The following C6orf89 variants were observed in gnomAD, a reference collection of about 807,000 sequenced individuals.
C6orf89 encodes chromosome 6 open reading frame 89, also known as bombesin receptor-activated protein C6orf89.
In C6orf89, 29 loss-of-function variants were observed where a neutral mutation model predicts 40.7. The observed-to-expected ratio is 0.71, with a 90% CI of 0.53 to 0.97. The LOEUF (loss-of-function observed/expected upper bound fraction) is 0.97. C6orf89 is among the 50% of genes least tolerant of loss of function. The pLI is 0.00. For missense variants in C6orf89, 392 were observed against 429.1 expected, an observed-to-expected ratio of 0.91 and a Z score of 0.76; for synonymous variants, 165 against 152.2, an observed-to-expected ratio of 1.08 and a Z score of -0.62.
At chr6:36,902,789 A>G (rs917552709) in intron 4 of C6orf89, among the ~76,000 whole-genome samples, 1 of 152,200 alleles carries the variant, frequency 6.6e-6, no homozygotes, top group Non-Finnish European at 1.5e-5. Flanking sequence ...CATATTTAAT[A>G]CATAGGTATT....
At chr6:36,896,343 A>G (rs1449917975) in intron 2 of C6orf89, among the ~76,000 whole-genome samples, 1 of 152,146 alleles carries the variant, frequency 6.6e-6, no homozygotes, top group East Asian at 1.9e-4. Flanking sequence ...CCTGACCTCA[A>G]GTGATCTGCC....
intron 3 of C6orf89, among the ~76,000 whole-genome samples, chr6:36,901,289 GTATTATTATTATTATTAT>G (rs1337857767): frequency 1.8e-3 from 141 of 79,498 alleles, no homozygotes; most frequent in Non-Finnish European, 2.4e-3. Flanking sequence ...GCCCCTTTGT[GTATTATTATTATTATTAT>G]TATTATTATT....
Position 36,886,010 on chromosome 6 carries a change from A to AG in C6orf89, c.-134dup, listed in dbSNP as rs11461877. On this transcript the variant is annotated 5_prime_UTR_variant, in exon 1 of 9. Transcript: ENST00000480824. The stretch of plus-strand genomic sequence containing the variant: ...CTGTCCCCGAGGCGGGAGGAGCCCG[A>AG]GGGGCGCGAGCCCCGCATGTGAGTG... 1,257,671 of 1,257,838 alleles carry AG rather than the reference A, an allele frequency of 1. 628,752 individuals are homozygous for AG. The highest frequency in any genetic ancestry group is 1 in the Middle Eastern group (4,438 of 4,438). The allele number at this position is 1,257,838 out of a possible 1,614,324, so 77.9% of individuals were successfully genotyped here.
chr6:36,886,070 C>T, intron 1 of C6orf89, 42 bp downstream of exon 1: 2 of 1,116,546 alleles, frequency 1.8e-6, no homozygotes, highest in South Asian at 8.4e-5. Flanking sequence ...GGAGGCCGCC[C>T]TGTGACAGCC....
intron 3 of C6orf89, among the ~76,000 whole-genome samples, chr6:36,901,312 A>ATTTTTT (rs1554136270): frequency 6.2e-5 from 4 of 64,676 alleles, no homozygotes; most frequent in Non-Finnish European, 9.2e-5. Context: ...TATTATTATT[A>ATTTTTT]TTATTATTAT....
At chr6:36,908,278 G>T (rs1414034108) in intron 4 of C6orf89, among the ~76,000 whole-genome samples, 1 of 144,334 alleles carries the variant, frequency 6.9e-6, no homozygotes, top group African/African-American at 2.5e-5. Flanking sequence ...CACCAGCCTG[G>T]CCACCTCTGC....
At chr6:36,882,734 CTTTTTTT>C (rs1178360256), upstream of C6orf89, among the ~76,000 whole-genome samples, 1 of 46,334 alleles carries the variant, frequency 2.2e-5, no homozygotes, top group Admixed American at 2.5e-4. Flanking sequence ...TTTCTTTTTT[CTTTTTTT>C]TTTTTTTGAG....
intron 1 of C6orf89, among the ~76,000 whole-genome samples, chr6:36,872,863 G>C (rs1774545989): frequency 6.6e-6 from 1 of 152,164 alleles, no homozygotes; most frequent in Admixed American, 6.5e-5. Flanking sequence ...ACCTGCCTTG[G>C]CCTCCCAAAG....
In C6orf89 at chr6:36,911,930, A is replaced by ACC. The variant is rs532436687; in HGVS notation, c.404-2343_404-2342dup. Among the ~76,000 whole-genome samples, 537 of 91,658 alleles carry ACC rather than the reference A, an allele frequency of 5.9e-3. 9 individuals carry two copies. Among genetic ancestry groups the ACC allele is most frequent in the South Asian group, 0.012 (29 of 2,516 alleles). 60.1% of individuals were successfully genotyped at this position (91,658 alleles called of 152,430 possible). On this transcript the variant is annotated intron_variant, in intron 4 of 8. Transcript: ENST00000480824. ...TATATTTCACTTCTCATCACAGTGA[A>ACC]CCCCCCCCCCCCGACCTTTTCCCTA... is the stretch of plus-strand genomic sequence containing the variant.
chr6:36,901,318 A>ATTTTTTTTTTTTTTTTTTTTTTTTTT (rs1408790414), intron 3 of C6orf89, among the ~76,000 whole-genome samples: 7 of 65,134 alleles, frequency 1.1e-4, no homozygotes, highest in Non-Finnish European at 2.1e-4. Context: ...TATTATTATT[A>ATTTTTTTTTTTTTTTTTTTTTTTTTT]TTATTTTTTT....
At chr6:36,915,685 G>C (rs1224123149) in intron 6 of C6orf89, among the ~76,000 whole-genome samples, 2 of 150,632 alleles carry the variant, frequency 1.3e-5, no homozygotes, top group East Asian at 3.9e-4. Flanking sequence ...CAGCCTGGGC[G>C]ACAAAGTGAG....
intron 1 of C6orf89, chr6:36,892,968 T>G (rs1291863144): frequency 1.3e-5 from 2 of 152,292 alleles, no homozygotes; most frequent in African/African-American, 4.8e-5. Flanking sequence ...GGAGTCTCGC[T>G]CTGTCGCCCA....
chr6:36,925,149 T>C lies in C6orf89; in HGVS notation c.*1708T>C, dbSNP rs923205643. On this transcript the variant is annotated 3_prime_UTR_variant, in exon 9 of 9. Transcript: ENST00000480824. ...TGAAAGTCATGTTGTTAAGCAGTTATGATTTAAGAGGTTTTAAGTCAGAGG... is the reference window on the plus strand; with the variant it reads ...TGAAAGTCATGTTGTTAAGCAGTTACGATTTAAGAGGTTTTAAGTCAGAGG... The C allele has an allele frequency of 6.6e-6, 1 of 152,202 alleles. No homozygotes were observed. The highest frequency in any genetic ancestry group is 2.4e-5 in the African/African-American group (1 of 41,444). 9.4% of individuals were successfully genotyped at this position (152,202 alleles called of 1,614,324 possible).
In C6orf89 at chr6:36,926,909, G is replaced by A. The variant is rs59892114; in HGVS notation, c.*3468G>A. 0.28 allele frequency: 42,567 copies of A among 152,182 alleles called. 6,567 individuals carry two copies. The highest frequency in any genetic ancestry group is 0.42 in the African/African-American group (17,356 of 41,492). 9.4% of individuals were successfully genotyped at this position (152,182 alleles called of 1,614,324 possible). On this transcript the variant is annotated 3_prime_UTR_variant, in exon 9 of 9. Transcript: ENST00000480824. ...GTTGACTCAGATGTGCCTCCGTTGG[G>A]GTGGGAGAACCCAGGGATGGGGGTC...
intron 6 of C6orf89, 134 bp downstream of exon 6, chr6:36,914,827 TAAAAATAC>T: frequency 9.3e-7 from 1 of 1,072,864 alleles, no homozygotes; most frequent in Non-Finnish European, 1.3e-6. Flanking sequence ...CCATCTCTAC[TAAAAATAC>T]AAAAATTAGC....
At chr6:36,902,950 A>G (rs540675258) in intron 4 of C6orf89, among the ~76,000 whole-genome samples, 2 of 152,346 alleles carry the variant, frequency 1.3e-5, no homozygotes, top group Non-Finnish European at 2.9e-5. Flanking sequence ...CCTCTAAAGT[A>G]TATCAATTTT....
At chr6:36,877,013 CCT>C (rs780381160) in intron 1 of C6orf89, among the ~76,000 whole-genome samples, 1 of 152,136 alleles carries the variant, frequency 6.6e-6, no homozygotes, top group Non-Finnish European at 1.5e-5. Context: ...ATTGGTTTTC[CCT>C]GTTTTTGAAT....
At chr6:36,905,395 T>G (rs1190692764) in intron 4 of C6orf89, among the ~76,000 whole-genome samples, 1 of 152,238 alleles carries the variant, frequency 6.6e-6, no homozygotes, top group Non-Finnish European at 1.5e-5. Flanking sequence ...GTTCTACCAC[T>G]GTCTCTCTCG....
intron 2 of C6orf89, among the ~76,000 whole-genome samples, chr6:36,896,079 T>C (rs576927962): frequency 1.3e-5 from 2 of 152,336 alleles, no homozygotes; most frequent in East Asian, 3.9e-4. Flanking sequence ...GTTAATAATG[T>C]TGAGTATCTT....
Sources: gnomAD v4.1 joint callset for allele counts (sites outside exome capture counted in the v4.1 genomes callset) on GRCh38, gnomAD v4.1.1 for gene constraint, MANE v1.5 for transcripts, NCBI Gene and HGNC (gene_info 2026-07-23, HGNC 2026-07-21) for gene names.